The following TBCK variants were observed in gnomAD, a reference collection of about 807,000 sequenced individuals.
TBCK encodes TBC1 domain containing kinase.
TBCK carries 99 observed loss-of-function variants against 113.4 expected under a neutral mutation model. The ratio of observed to expected loss-of-function variants is 0.87; its 90% CI spans 0.74 to 1.03. The LOEUF (loss-of-function observed/expected upper bound fraction) is 1.03, where lower values mean the gene tolerates loss of function less well. Ranked by LOEUF, TBCK falls within the 50% of genes least tolerant of loss-of-function variation. The probability of loss-of-function intolerance (pLI) is 0.00; values close to 1 mark genes in which losing one functional copy is unlikely to be tolerated. For synonymous variants in TBCK, 369 were observed against 370.8 expected (o/e 1.00, Z 0.05); for missense variants, 1,045 against 1,061.3 (o/e 0.98, Z 0.21).
intron 20 of TBCK, among the ~76,000 whole-genome samples, chr4:106,207,359 CTTTG>C (rs1429178336): frequency 1.3e-5 from 2 of 152,100 alleles, no homozygotes; most frequent in African/African-American, 4.8e-5. Flanking sequence ...TGAGGGCTTA[CTTTG>C]ATAGGTTTAG....
intron 25 of TBCK, among the ~76,000 whole-genome samples, chr4:106,084,679 G>A (rs1390523704): frequency 6.6e-6 from 1 of 152,144 alleles, no homozygotes; most frequent in Non-Finnish European, 1.5e-5. Context: ...ACTGTTAAGA[G>A]CAGCCAGGGA....
rs115869394 is a variant in TBCK at position 106,284,131 on chromosome 4, G to A, written c.266+10963C>T. ...CATGTAAAACAGGAAGAGAATTATA[G>A]ATCAGTTATATAAATCTCTAATTCA... is the stretch of plus-strand genomic sequence containing the variant. On this transcript the variant is annotated intron_variant, in intron 3 of 25. Coordinates refer to ENST00000394708, the MANE Select transcript of TBCK (RefSeq NM_001163435.3). 7.8e-3 allele frequency among the ~76,000 whole-genome samples: 1,191 copies of A among 152,160 alleles called. 14 individuals are homozygous for A. The highest frequency in any genetic ancestry group is 0.027 in the African/African-American group (1,140 of 41,538).
At chr4:106,162,695 C>T (rs1749933780) in intron 23 of TBCK, among the ~76,000 whole-genome samples, 1 of 152,188 alleles carries the variant, frequency 6.6e-6, no homozygotes, top group Non-Finnish European at 1.5e-5. Context: ...CCCTTAGAAG[C>T]AAGGGTCTGA....
intron 1 of TBCK, among the ~76,000 whole-genome samples, chr4:106,313,700 T>C (rs1768435728): frequency 6.6e-6 from 1 of 152,170 alleles, no homozygotes; most frequent in Non-Finnish European, 1.5e-5. Context: ...CAGAAAGCCA[T>C]TGGGCTTTAA....
intron 25 of TBCK, among the ~76,000 whole-genome samples, chr4:106,093,594 C>T (rs983176181): frequency 9.9e-5 from 15 of 152,222 alleles, no homozygotes; most frequent in South Asian, 2.1e-4. Flanking sequence ...GGTTTATGAT[C>T]AATAGTCTTA....
intron 25 of TBCK, among the ~76,000 whole-genome samples, chr4:106,089,400 T>C (rs1204749700): frequency 6.6e-6 from 1 of 152,182 alleles, no homozygotes; most frequent in East Asian, 1.9e-4. Flanking sequence ...TCATTTGAAA[T>C]GAGATTTGGA....
intron 3 of TBCK, among the ~76,000 whole-genome samples, chr4:106,273,723 G>T (rs1458071490): frequency 3.3e-5 from 5 of 152,202 alleles, no homozygotes; most frequent in African/African-American, 1.2e-4. Flanking sequence ...AAGAAGCCAA[G>T]GAATGCCAAC....
At chr4:106,316,548 A>G (rs1001991896), upstream of TBCK, 64 of 1,551,304 alleles carry the variant, frequency 4.1e-5, no homozygotes, top group Non-Finnish European at 5.2e-5. Context: ...CTGGACCTAC[A>G]TGCTTCCTGC....
intron 25 of TBCK, among the ~76,000 whole-genome samples, chr4:106,066,206 A>G (rs1424884884): frequency 6.6e-6 from 1 of 152,042 alleles, no homozygotes; most frequent in African/African-American, 2.4e-5. Context: ...TGGTCACTGT[A>G]TAGTAATTTC....
chr4:106,202,731 T>C (rs1213974165), intron 20 of TBCK, among the ~76,000 whole-genome samples: 1 of 151,998 alleles, frequency 6.6e-6, no homozygotes, highest in African/African-American at 2.4e-5. Context: ...GTCTCTTAGG[T>C]GAATTTCCTC....
intron 23 of TBCK, among the ~76,000 whole-genome samples, chr4:106,122,788 C>T (rs1309471679): frequency 6.6e-6 from 1 of 152,052 alleles, no homozygotes; most frequent in Non-Finnish European, 1.5e-5. Context: ...ATGATTATCT[C>T]AATAGATGCA....
chr4:106,212,680 A>T, intron 20 of TBCK, 70 bp downstream of exon 20: 1 of 1,104,768 alleles, frequency 9.1e-7, no homozygotes. Flanking sequence ...AAGAAAATAC[A>T]CTCTTCTGTG....
intron 25 of TBCK, among the ~76,000 whole-genome samples, chr4:106,050,720 G>T (rs554908133): frequency 6.6e-6 from 1 of 152,064 alleles, no homozygotes; most frequent in Non-Finnish European, 1.5e-5. Flanking sequence ...GAGAATGGGG[G>T]TCTTCAAATT....
Position 106,178,011 on chromosome 4 carries a change from G to T in TBCK, c.2060-6741C>A, listed in dbSNP as rs377707368. ...GCCCTCTATAATTTATTTCATTAGT[G>T]TTTGTTCTCATTGTGGAGATCTCTC... On this transcript the variant is annotated intron_variant, in intron 22 of 25. Coordinates refer to ENST00000394708, the MANE Select transcript of TBCK (RefSeq NM_001163435.3). Among the ~76,000 whole-genome samples the T allele has an allele frequency of 1.6e-3, 250 of 151,592 alleles. 7 individuals carry two copies. In the South Asian group the frequency reaches 0.046, roughly 28 times the overall value.
At chr4:106,181,772 C>T (rs1752418173) in intron 22 of TBCK, among the ~76,000 whole-genome samples, 1 of 152,088 alleles carries the variant, frequency 6.6e-6, no homozygotes, top group South Asian at 2.1e-4. Context: ...TTACTATAGC[C>T]TTGTAGCAGA....
At chr4:106,233,987 A>G (rs142987125) in intron 15 of TBCK, among the ~76,000 whole-genome samples, 17 of 152,274 alleles carry the variant, frequency 1.1e-4, no homozygotes, top group African/African-American at 3.6e-4. Flanking sequence ...TTGTTATGTT[A>G]TATCTATAAT....
chr4:106,209,226 G>C (rs1755855826), intron 20 of TBCK, among the ~76,000 whole-genome samples: 1 of 141,306 alleles, frequency 7.1e-6, no homozygotes, highest in African/African-American at 2.6e-5. Flanking sequence ...ATCATAACAG[G>C]GAAGCATAAA....
intron 23 of TBCK, among the ~76,000 whole-genome samples, chr4:106,149,927 A>G (rs1415956119): frequency 6.6e-6 from 1 of 152,236 alleles, no homozygotes; most frequent in Non-Finnish European, 1.5e-5. Context: ...TACTGATTTC[A>G]AGAAAGAAAA....
At chr4:106,206,529 A>G (rs1435949238) in intron 20 of TBCK, among the ~76,000 whole-genome samples, 1 of 152,184 alleles carries the variant, frequency 6.6e-6, no homozygotes, top group Non-Finnish European at 1.5e-5. Context: ...AAGAGGACAC[A>G]TCACAGGACT....
Sources: allele counts gnomAD v4.1 joint callset (sites outside exome capture counted in the v4.1 genomes callset), GRCh38; gene constraint gnomAD v4.1.1; transcripts MANE v1.5; gene names NCBI Gene and HGNC (gene_info 2026-07-23, HGNC 2026-07-21).